The following STAM variants were observed in gnomAD, a reference collection of about 807,000 sequenced individuals.
STAM encodes signal transducing adapter molecule 1.
STAM carries 16 observed loss-of-function variants against 63.4 expected under a neutral mutation model. That is an observed-to-expected ratio of 0.25 (90% confidence interval 0.17 to 0.38). STAM has a LOEUF of 0.38. STAM is among the 10% of genes least tolerant of loss of function. The probability of loss-of-function intolerance (pLI) is 1.00; values close to 1 mark genes in which losing one functional copy is unlikely to be tolerated. For missense variants in STAM, 636 were observed against 657.1 expected (o/e 0.97, Z 0.35); for synonymous variants, 238 against 223.9 (o/e 1.06, Z -0.56).
At chr10:17,648,618 T>C (rs988999443) in intron 1 of STAM, among the ~76,000 whole-genome samples, 36 of 152,168 alleles carry the variant, frequency 2.4e-4, no homozygotes, top group African/African-American at 7.7e-4. Context: ...GGGAACAAAC[T>C]CCGGACACAT....
chr10:17,651,924 A>G (rs1272149307), intron 1 of STAM, among the ~76,000 whole-genome samples: 2 of 152,314 alleles, frequency 1.3e-5, no homozygotes, highest in South Asian at 4.1e-4. Flanking sequence ...ATAAATTTTG[A>G]GAAAAATCAA....
intron 2 of STAM, among the ~76,000 whole-genome samples, chr10:17,674,583 G>C (rs1834769343): frequency 6.6e-6 from 1 of 152,132 alleles, no homozygotes; most frequent in South Asian, 2.1e-4. Flanking sequence ...AGCATCCTAA[G>C]AGCTAGTGCT....
intron 1 of STAM, among the ~76,000 whole-genome samples, chr10:17,645,788 A>G (rs994657095): frequency 6.6e-6 from 1 of 152,200 alleles, no homozygotes. Context: ...TACAGTGATG[A>G]GCAAGGCCTA....
In STAM at chr10:17,714,668, A is replaced by G. The variant is rs147965387; in HGVS notation, c.1511A>G (p.Asn504Ser). The change falls in exon 14 of 14, where the codon AAT becomes AGT. Residue 504 changes from asparagine (N) to serine (S), a missense_variant. By Grantham distance (46) the Asn-to-Ser change is conservative. Around this residue, in one of 3 missense-constraint regions of STAM, gnomAD observed 532 missense variants for 536.9 expected, o/e 0.99. Transcript: ENST00000377524. The stretch of plus-strand genomic sequence containing the variant: ...ACTCTGTACCAGAATGCAGGACCTA[A>G]TATGCCCCAGGTGCCAAACTATAAC... ...DVTLYQNAGPNMPQVPNYNLT... is the reference protein window; with the variant it reads ...DVTLYQNAGPSMPQVPNYNLT... The G allele has an allele frequency of 1.4e-5, 23 of 1,614,088 alleles. No individual in the cohort carries two copies. In the African/African-American group the frequency reaches 2.3e-4, roughly 16 times the overall value.
chr10:17,706,369 CTTTTTTTTTTTTTTTT>C (rs59585445), intron 12 of STAM, among the ~76,000 whole-genome samples: 1 of 70,184 alleles, frequency 1.4e-5, no homozygotes, highest in Non-Finnish European at 2.4e-5. Flanking sequence ...GGTTGAGGCC[CTTTTTTTTTTTTTTTT>C]TTTTTTTTTT....
At chr10:17,672,221 CTG>C (rs1323422614) in intron 2 of STAM, among the ~76,000 whole-genome samples, 2 of 152,168 alleles carry the variant, frequency 1.3e-5, no homozygotes, top group Non-Finnish European at 2.9e-5. Flanking sequence ...TCTCTCATAA[CTG>C]TACAACAGTA....
chr10:17,651,131 T>C (rs1554821505), intron 1 of STAM, among the ~76,000 whole-genome samples: 2 of 151,798 alleles, frequency 1.3e-5, no homozygotes, highest in Non-Finnish European at 2.9e-5. Flanking sequence ...CTTTGAACTT[T>C]TCAGCAGGGC....
intron 5 of STAM, 33 bp from the exon 6 acceptor site, chr10:17,693,189 A>G (rs982923827): frequency 1.9e-6 from 3 of 1,580,994 alleles, no homozygotes; most frequent in Admixed American, 3.5e-5. Context: ...TTTGATAACA[A>G]CCCTCAAATA....
chr10:17,687,056 A>G (rs547195711), intron 4 of STAM, among the ~76,000 whole-genome samples: 95 of 152,340 alleles, frequency 6.2e-4, no homozygotes, highest in African/African-American at 2.3e-3. Context: ...TTAATAAGCA[A>G]TGAGTAAAAT....
At chr10:17,714,318 C>CCG (rs1554830431) in intron 13 of STAM, among the ~76,000 whole-genome samples, 1 of 152,032 alleles carries the variant, frequency 6.6e-6, no homozygotes, top group Non-Finnish European at 1.5e-5. Context: ...AACCACCCCC[C>CCG]CCAACTTTTT....
intron 5 of STAM, 138 bp from the exon 6 acceptor site, chr10:17,693,084 G>T: frequency 1.5e-6 from 1 of 650,912 alleles, no homozygotes. Context: ...TTTTAAGGTG[G>T]AAGCTGCTGC....
chr10:17,684,965 C>T (rs1835235373), intron 4 of STAM, 38 bp downstream of exon 4: 2 of 1,501,580 alleles, frequency 1.3e-6, no homozygotes, highest in Admixed American at 1.8e-5. Context: ...TTAAGGCAGT[C>T]TTCTTTCTTC....
At chr10:17,683,085 A>G (rs1554825608) in intron 2 of STAM, among the ~76,000 whole-genome samples, 5 of 152,174 alleles carry the variant, frequency 3.3e-5, no homozygotes, top group Admixed American at 2.6e-4. Flanking sequence ...ATTTTTCTAG[A>G]TGATTGGTTA....
At chr10:17,704,920 A>AT (rs782471783) in intron 10 of STAM, 50 bp from the exon 11 acceptor site, 1,854 of 1,415,888 alleles carry the variant, frequency 1.3e-3, no homozygotes, top group African/African-American at 2.5e-3. Flanking sequence ...AAAGGTTCAC[A>AT]TTTTTTTTTC....
chr10:17,671,734 A>G (rs2131604757), intron 2 of STAM, among the ~76,000 whole-genome samples: 1 of 152,186 alleles, frequency 6.6e-6, no homozygotes, highest in African/African-American at 2.4e-5. Flanking sequence ...CATGTTTTTT[A>G]TTATTGCTAT....
intron 9 of STAM, among the ~76,000 whole-genome samples, chr10:17,703,753 C>T (rs1308869802): frequency 6.6e-5 from 10 of 152,118 alleles, no homozygotes; most frequent in African/African-American, 2.2e-4. Flanking sequence ...ACTAGTCTTC[C>T]TCCTTCCTTT....
chr10:17,687,409 C>A (rs528781077), intron 4 of STAM, among the ~76,000 whole-genome samples: 9 of 152,074 alleles, frequency 5.9e-5, no homozygotes, highest in Non-Finnish European at 1.2e-4. Flanking sequence ...CCCCCACCCC[C>A]CTCTGGGAGG....
At chr10:17,708,232 C>T (rs1836387223) in intron 12 of STAM, among the ~76,000 whole-genome samples, 1 of 152,200 alleles carries the variant, frequency 6.6e-6, no homozygotes, top group Admixed American at 6.5e-5. Flanking sequence ...CTCTGATTTA[C>T]TGACAGAGCC....
intron 2 of STAM, among the ~76,000 whole-genome samples, chr10:17,667,522 G>A (rs750117968): frequency 7.9e-5 from 12 of 152,126 alleles, no homozygotes; most frequent in East Asian, 1.9e-4. Flanking sequence ...CTTTGCGTTC[G>A]TCATTTTTTC....
Sources: gnomAD v4.1 joint callset for allele counts (sites outside exome capture counted in the v4.1 genomes callset) on GRCh38, gnomAD v4.1.1 for gene constraint, gnomAD v4.1.1 regional missense constraint, MANE v1.5 for transcripts, NCBI Gene and HGNC (gene_info 2026-07-23, HGNC 2026-07-21) for gene names.